The following IMMP2L variants were observed in gnomAD, a reference collection of about 807,000 sequenced individuals.
IMMP2L encodes the protein mitochondrial inner membrane protease subunit 2.
A neutral mutation model predicts 19.3 loss-of-function variants in IMMP2L; 18 were observed. The ratio of observed to expected loss-of-function variants is 0.93; its 90% CI spans 0.64 to 1.38. The LOEUF (loss-of-function observed/expected upper bound fraction) is 1.38. Ranked by LOEUF, IMMP2L falls within the 40% of genes most tolerant of loss-of-function variation. The pLI is 0.00. For synonymous variants in IMMP2L, 76 were observed against 73.0 expected (o/e 1.04, Z -0.21); for missense variants, 233 against 218.2 (o/e 1.07, Z -0.43).
intron 3 of IMMP2L, among the ~76,000 whole-genome samples, chr7:111,142,759 C>T (rs1803070248): frequency 6.6e-6 from 1 of 152,084 alleles, no homozygotes; most frequent in South Asian, 2.1e-4. Flanking sequence ...AGCCCTTCTC[C>T]CTCAATGGCT....
intron 5 of IMMP2L, among the ~76,000 whole-genome samples, chr7:110,712,195 A>G (rs563564550): frequency 7.4e-6 from 1 of 135,722 alleles, no homozygotes; most frequent in African/African-American, 2.6e-5. Flanking sequence ...TTCGGTGTAG[A>G]TGTCCTTTCT....
intron 5 of IMMP2L, among the ~76,000 whole-genome samples, chr7:110,794,634 C>G: frequency 6.6e-6 from 1 of 151,940 alleles, no homozygotes; most frequent in African/African-American, 2.4e-5. Flanking sequence ...AAATCCCCAG[C>G]CTCCTAGGGA....
chr7:110,952,897 G>A (rs150899932), intron 4 of IMMP2L, among the ~76,000 whole-genome samples: 1 of 152,052 alleles, frequency 6.6e-6, no homozygotes. Flanking sequence ...TTACTTTTCT[G>A]TACATTTGTC....
intron 3 of IMMP2L, among the ~76,000 whole-genome samples, chr7:111,446,379 C>T (rs1190685560): frequency 6.8e-6 from 1 of 146,452 alleles, no homozygotes; most frequent in Admixed American, 6.7e-5. Context: ...CAGACTGCCT[C>T]CTCAAGTGGG....
intron 3 of IMMP2L, among the ~76,000 whole-genome samples, chr7:111,078,972 C>A (rs1364145677): frequency 6.6e-6 from 1 of 152,062 alleles, no homozygotes. Context: ...TGAGGTGATC[C>A]ACCTGCCTTG....
intron 4 of IMMP2L, among the ~76,000 whole-genome samples, chr7:110,942,488 T>C (rs1047113525): frequency 2.0e-5 from 3 of 151,898 alleles, no homozygotes; most frequent in Non-Finnish European, 2.9e-5. Flanking sequence ...CTGTGTACGC[T>C]TTAGAAACAG....
chr7:110,678,932 T>C (rs1193012539), intron 5 of IMMP2L, among the ~76,000 whole-genome samples: 1 of 152,202 alleles, frequency 6.6e-6, no homozygotes. Flanking sequence ...ACTCTCTCTT[T>C]CAAAGGCCTC....
At chr7:111,259,323 AT>A (rs1221914331) in intron 3 of IMMP2L, among the ~76,000 whole-genome samples, 2 of 152,064 alleles carry the variant, frequency 1.3e-5, no homozygotes, top group African/African-American at 2.4e-5. Context: ...CACAAAATTT[AT>A]TTTAAATTTT....
chr7:111,496,937 G>A (rs1843651782), intron 2 of IMMP2L, among the ~76,000 whole-genome samples: 2 of 152,090 alleles, frequency 1.3e-5, no homozygotes, highest in Admixed American at 6.5e-5. Context: ...CAGACAGACA[G>A]ATAAATATCC....
chr7:111,320,556 A>C (rs989050172), intron 3 of IMMP2L, among the ~76,000 whole-genome samples: 1 of 152,066 alleles, frequency 6.6e-6, no homozygotes, highest in Non-Finnish European at 1.5e-5. Context: ...CAAACTCTTT[A>C]ACACTGTTTA....
intron 1 of IMMP2L, among the ~76,000 whole-genome samples, chr7:111,544,018 A>G (rs928239606): frequency 4.6e-5 from 7 of 152,166 alleles, no homozygotes; most frequent in African/African-American, 1.2e-4. Context: ...AGCGACCAAC[A>G]TAATACCTGG....
At chr7:111,470,246 G>A (rs1841113451) in intron 3 of IMMP2L, among the ~76,000 whole-genome samples, 1 of 152,108 alleles carries the variant, frequency 6.6e-6, no homozygotes, top group African/African-American at 2.4e-5. Context: ...AGAGGATGTG[G>A]AGAAATAGGA....
chr7:111,530,409 A>G lies in IMMP2L; in HGVS notation c.-2-8960T>C, dbSNP rs566734396. On this transcript the variant is annotated intron_variant, in intron 1 of 5. Coordinates refer to ENST00000405709, the MANE Select transcript of IMMP2L (RefSeq NM_032549.4). ...ACCAATAAAGCCCATCTTCTAGGTG[A>G]TAAGACACCTAATACATAATCATTT... Among the ~76,000 whole-genome samples the G allele has an allele frequency of 2.0e-5, 3 of 152,320 alleles. No individual in the cohort carries two copies. The East Asian group carries it at 5.8e-4, about 29-fold the overall frequency.
chr7:111,093,355 G>GTGC (rs1251847546), intron 3 of IMMP2L, among the ~76,000 whole-genome samples: 1 of 152,254 alleles, frequency 6.6e-6, no homozygotes, highest in East Asian at 1.9e-4. Context: ...TTTATTAAAA[G>GTGC]TGCTGCTTTT....
rs529834953 is a variant in IMMP2L, at chr7:111,219,275, T to C, written c.240-255710A>G. On this transcript the variant is annotated intron_variant, in intron 3 of 5. Transcript: ENST00000405709. ...CCCAAATACAGTAAAGTCATAACTTTTTTTCTTTGTTTGAGGCACTATTTC... is the reference window on the plus strand; with the variant it reads ...CCCAAATACAGTAAAGTCATAACTTCTTTTCTTTGTTTGAGGCACTATTTC... 1.2e-3 allele frequency among the ~76,000 whole-genome samples: 175 copies of C among 152,132 alleles called. 4 individuals are homozygous for C. In the South Asian group the frequency reaches 0.015, roughly 13 times the overall value.
intron 5 of IMMP2L, among the ~76,000 whole-genome samples, chr7:110,775,697 T>C (rs1398680972): frequency 6.6e-6 from 1 of 152,064 alleles, no homozygotes; most frequent in African/African-American, 2.4e-5. Flanking sequence ...ATGTTTTGTT[T>C]TTGCTACATC....
chr7:111,242,813 T>A (rs975158284), intron 3 of IMMP2L, among the ~76,000 whole-genome samples: 1 of 152,018 alleles, frequency 6.6e-6, no homozygotes, highest in African/African-American at 2.4e-5. Flanking sequence ...AGAGAATTTG[T>A]CTATAAATTT....
At chr7:110,797,566 A>C (rs936140655) in intron 5 of IMMP2L, among the ~76,000 whole-genome samples, 9 of 152,066 alleles carry the variant, frequency 5.9e-5, no homozygotes, top group Non-Finnish European at 1.2e-4. Context: ...AGAGGCAATT[A>C]GACAACACGT....
intron 3 of IMMP2L, among the ~76,000 whole-genome samples, chr7:111,062,226 A>G (rs1406965198): frequency 6.6e-6 from 1 of 152,184 alleles, no homozygotes; most frequent in Non-Finnish European, 1.5e-5. Context: ...ATCATGGTGG[A>G]AGGTGAAAGG....
Sources: gnomAD v4.1 joint callset for allele counts (sites outside exome capture counted in the v4.1 genomes callset) on GRCh38, gnomAD v4.1.1 for gene constraint, MANE v1.5 for transcripts, NCBI Gene and HGNC (gene_info 2026-07-23, HGNC 2026-07-21) for gene names.